LINC01488: variants seen among roughly 807,000 people sequenced by gnomAD.
LINC01488 encodes long independently transcribed non-coding RNA 1488, also known as CCND1-upstream intergenic DNA repair 1.
At chr11:69,482,709 T>A (rs1304763897) in intron 1 of LINC01488, among the ~76,000 whole-genome samples, 1 of 152,184 alleles carries the variant, frequency 6.6e-6, no homozygotes, top group East Asian at 1.9e-4. Context: ...ATTTATATAG[T>A]TTGTCATACC....
At chr11:69,486,330 C>A (rs1377362452) in intron 1 of LINC01488, among the ~76,000 whole-genome samples, 1 of 152,124 alleles carries the variant, frequency 6.6e-6, no homozygotes, top group Non-Finnish European at 1.5e-5. Flanking sequence ...TAGCTGTGGG[C>A]CATCTGGGGG....
intron 2 of LINC01488, chr11:69,490,537 A>T (rs1308494939): frequency 6.6e-6 from 1 of 152,222 alleles, no homozygotes; most frequent in Non-Finnish European, 1.5e-5. Flanking sequence ...GAAGCAGGTG[A>T]GAGCAGAGAG....
chr11:69,487,051 C>T (rs1166875872), intron 1 of LINC01488, among the ~76,000 whole-genome samples: 2 of 152,238 alleles, frequency 1.3e-5, no homozygotes, highest in Admixed American at 6.5e-5. Flanking sequence ...CCAGCGCGGC[C>T]CAGCCAAGGC....
chr11:69,484,028 C>G (rs887043451), intron 1 of LINC01488, among the ~76,000 whole-genome samples: 1 of 152,234 alleles, frequency 6.6e-6, no homozygotes, highest in East Asian at 1.9e-4. Flanking sequence ...GGGCAGCTCC[C>G]GCTCTCCAGG....
chr11:69,489,512 C>CA (rs1222262899), intron 1 of LINC01488, among the ~76,000 whole-genome samples: 1 of 152,224 alleles, frequency 6.6e-6, no homozygotes, highest in Non-Finnish European at 1.5e-5. Context: ...AGCAGCTTTC[C>CA]CACAGGCCTC....
chr11:69,481,881 G>A (rs938849691), intron 1 of LINC01488: 1 of 152,042 alleles, frequency 6.6e-6, no homozygotes, highest in Non-Finnish European at 1.5e-5. Context: ...ATGGACGGGT[G>A]GATGATTGAA....
At chr11:69,485,906 G>A (rs1020336492) in intron 1 of LINC01488, 2 of 152,214 alleles carry the variant, frequency 1.3e-5, no homozygotes, top group African/African-American at 4.8e-5. Flanking sequence ...TGCATCCTTA[G>A]CTGCAGCAGG....
intron 1 of LINC01488, among the ~76,000 whole-genome samples, chr11:69,487,070 G>A (rs1453926775): frequency 1.3e-5 from 2 of 152,222 alleles, no homozygotes; most frequent in Admixed American, 1.3e-4. Context: ...GCTTGCAAGC[G>A]CATTCCCAGG....
chr11:69,483,805 T>TA (rs1337479783), intron 1 of LINC01488, among the ~76,000 whole-genome samples: 1 of 151,578 alleles, frequency 6.6e-6, no homozygotes, highest in Non-Finnish European at 1.5e-5. Flanking sequence ...AAGCTGACAA[T>TA]AAACCAAGGC....
At chr11:69,490,414 G>C (rs915560176) in intron 1 of LINC01488, 2 of 152,298 alleles carry the variant, frequency 1.3e-5, no homozygotes, top group African/African-American at 2.4e-5. Flanking sequence ...AGTTCTTCTT[G>C]ACTCTGAAAC....
intron 1 of LINC01488, among the ~76,000 whole-genome samples, chr11:69,486,839 C>A (rs1857128722): frequency 6.6e-6 from 1 of 152,066 alleles, no homozygotes; most frequent in African/African-American, 2.4e-5. Flanking sequence ...GTGTTGCTGG[C>A]CCTGCTCCTG....
At chr11:69,483,869 C>G (rs1227529217) in intron 1 of LINC01488, among the ~76,000 whole-genome samples, 1 of 152,198 alleles carries the variant, frequency 6.6e-6, no homozygotes, top group Admixed American at 6.5e-5. Flanking sequence ...GAGGCGGGTG[C>G]CTCCCGGTGG....
At chr11:69,489,104 G>A (rs750195087) in intron 1 of LINC01488, among the ~76,000 whole-genome samples, 30 of 152,146 alleles carry the variant, frequency 2.0e-4, no homozygotes, top group African/African-American at 7.0e-4. Context: ...TGCACACCAC[G>A]GCTGTGGCCC....
At chr11:69,490,392 C>T (rs17136601) in intron 1 of LINC01488, 8,768 of 152,332 alleles carry the variant, frequency 0.058, 762 homozygotes, top group East Asian at 0.41. Context: ...TGACAGGGAC[C>T]GCCTTTCATC....
At chr11:69,483,899 G>A (rs1442467247) in intron 1 of LINC01488, among the ~76,000 whole-genome samples, 1 of 152,206 alleles carries the variant, frequency 6.6e-6, no homozygotes, top group Non-Finnish European at 1.5e-5. Flanking sequence ...GGAAACCAGG[G>A]GCTCTGTCTC....
chr11:69,489,016 G>A (rs1857171132), intron 1 of LINC01488, among the ~76,000 whole-genome samples: 2 of 152,234 alleles, frequency 1.3e-5, no homozygotes, highest in African/African-American at 4.8e-5. Context: ...AAAGGCTCAT[G>A]GGAAAGAAAG....
chr11:69,487,309 G>A (rs1304156142), intron 1 of LINC01488, among the ~76,000 whole-genome samples: 1 of 152,218 alleles, frequency 6.6e-6, no homozygotes, highest in Non-Finnish European at 1.5e-5. Context: ...GACGGCATGG[G>A]AAGGAGAGGG....
chr11:69,490,153 C>T (rs1857195919), intron 1 of LINC01488, among the ~76,000 whole-genome samples: 1 of 152,220 alleles, frequency 6.6e-6, no homozygotes, highest in African/African-American at 2.4e-5. Context: ...GGTCCAGGCC[C>T]CAGGGTTGGA....
intron 1 of LINC01488, among the ~76,000 whole-genome samples, chr11:69,488,808 C>T (rs1184817878): frequency 6.6e-6 from 1 of 152,174 alleles, no homozygotes; most frequent in Non-Finnish European, 1.5e-5. Context: ...CAGCAAAGGG[C>T]CGATTTGAGT....
Sources: gnomAD v4.1 joint callset for allele counts (sites outside exome capture counted in the v4.1 genomes callset) on GRCh38, gnomAD v4.1.1 for gene constraint, MANE v1.5 for transcripts, NCBI Gene and HGNC (gene_info 2026-07-23, HGNC 2026-07-21) for gene names.